The following SCAPER variants were observed in gnomAD, a reference collection of about 807,000 sequenced individuals.
The protein encoded by SCAPER is S-phase cyclin A associated protein in the ER.
SCAPER carries 98 observed loss-of-function variants against 182.2 expected under a neutral mutation model. The ratio of observed to expected loss-of-function variants is 0.54; its 90% CI spans 0.46 to 0.64. The LOEUF (loss-of-function observed/expected upper bound fraction) is 0.64, where lower values mean the gene tolerates loss of function less well. SCAPER is among the 30% of genes least tolerant of loss of function. The pLI is 0.00. For missense variants in SCAPER, 1,432 were observed against 1,690.0 expected (o/e 0.85, Z 2.68); for synonymous variants, 605 against 564.6 (o/e 1.07, Z -1.01).
At chr15:76,501,042 A>T (rs754091320) in intron 24 of SCAPER, among the ~76,000 whole-genome samples, 20 of 89,988 alleles carry the variant, frequency 2.2e-4, no homozygotes, top group Non-Finnish European at 3.7e-4. Flanking sequence ...AACCCTGTCT[A>T]AAAAAAAAAA....
intron 1 of SCAPER, among the ~76,000 whole-genome samples, chr15:76,889,090 G>C (rs569077418): frequency 7.9e-5 from 12 of 152,142 alleles, no homozygotes; most frequent in Non-Finnish European, 1.6e-4. Flanking sequence ...CTTCAGAAGT[G>C]AAGGAGAAAT....
intron 21 of SCAPER, among the ~76,000 whole-genome samples, chr15:76,643,724 C>A (rs1421637341): frequency 6.6e-6 from 1 of 152,132 alleles, no homozygotes; most frequent in Non-Finnish European, 1.5e-5. Context: ...TTAACCTAAG[C>A]TATCCTCATT....
intron 29 of SCAPER, among the ~76,000 whole-genome samples, chr15:76,370,973 C>T (rs1018896745): frequency 5.9e-5 from 9 of 152,178 alleles, no homozygotes; most frequent in African/African-American, 9.6e-5. Flanking sequence ...CACCCCCCAC[C>T]GCTAGCCAAG....
intron 10 of SCAPER, among the ~76,000 whole-genome samples, chr15:76,768,169 G>A (rs761822884): frequency 2.0e-5 from 3 of 152,048 alleles, no homozygotes; most frequent in Non-Finnish European, 2.9e-5. Flanking sequence ...TAAACATAGA[G>A]TTCATATAAC....
intron 29 of SCAPER, among the ~76,000 whole-genome samples, chr15:76,371,597 C>T (rs1596329042): frequency 2.6e-5 from 4 of 151,018 alleles, no homozygotes; most frequent in South Asian, 2.1e-4. Flanking sequence ...GGATTACAGG[C>T]GTGAGCCACC....
chr15:76,718,247 A>T (rs779734518), intron 17 of SCAPER, among the ~76,000 whole-genome samples: 35 of 152,218 alleles, frequency 2.3e-4, no homozygotes, highest in Non-Finnish European at 8.8e-5. Context: ...AACGCAACAC[A>T]GCAAAATCTA....
chr15:76,841,743 G>A lies in SCAPER; in HGVS notation c.384C>T (p.Val128=), dbSNP rs564783553. ...TCAAAGCAAACCTTACCTTACATTC[G>A]ACCACACTCTGATCTGATTCGCAAG... The part of the protein sequence containing the change: ...YVTCESDQSV[V]ECKEVLMMLD... Residue 128 remains valine (V), a synonymous_variant, in exon 5 of 32, where the codon GTC becomes GTT. Coordinates refer to ENST00000563290, the MANE Select transcript of SCAPER (RefSeq NM_020843.4). 161 of 1,613,514 alleles carry A rather than the reference G, an allele frequency of 1.0e-4. No homozygotes were observed. Among genetic ancestry groups the A allele is most frequent in the Non-Finnish European group, 1.3e-4 (153 of 1,179,790 alleles).
chr15:76,564,270 T>C (rs929348097), intron 23 of SCAPER, among the ~76,000 whole-genome samples: 1 of 152,142 alleles, frequency 6.6e-6, no homozygotes, highest in African/African-American at 2.4e-5. Flanking sequence ...GAAAACCCCA[T>C]TGTCTCAGTC....
intron 22 of SCAPER, among the ~76,000 whole-genome samples, chr15:76,607,447 A>C (rs2050535278): frequency 6.6e-6 from 1 of 152,128 alleles, no homozygotes; most frequent in Admixed American, 6.5e-5. Context: ...GCTGCTCTTA[A>C]CATTTTTTCC....
At chr15:76,411,637 A>G (rs984052409) in intron 26 of SCAPER, among the ~76,000 whole-genome samples, 1 of 152,152 alleles carries the variant, frequency 6.6e-6, no homozygotes, top group African/African-American at 2.4e-5. Flanking sequence ...TATTGGGTAA[A>G]TACCTAAGAG....
At chr15:76,435,857 G>C (rs1220167534) in intron 25 of SCAPER, among the ~76,000 whole-genome samples, 1 of 152,130 alleles carries the variant, frequency 6.6e-6, no homozygotes, top group Admixed American at 6.6e-5. Context: ...TAATACTTCA[G>C]TGCACGCCCT....
intron 22 of SCAPER, among the ~76,000 whole-genome samples, chr15:76,589,160 A>T (rs1204059021): frequency 1.3e-5 from 2 of 152,144 alleles, no homozygotes; most frequent in African/African-American, 4.8e-5. Context: ...CCTTAGTTGC[A>T]GTCGTTTAAT....
chr15:76,584,636 C>T (rs942228607), intron 22 of SCAPER, among the ~76,000 whole-genome samples: 1 of 152,132 alleles, frequency 6.6e-6, no homozygotes, highest in Non-Finnish European at 1.5e-5. Context: ...GTAAAATGTA[C>T]TATGGAACTT....
At chr15:76,589,716 G>C (rs138546835) in intron 22 of SCAPER, among the ~76,000 whole-genome samples, 51 of 152,258 alleles carry the variant, frequency 3.3e-4, no homozygotes, top group African/African-American at 1.1e-3. Context: ...TTCGCGTTTG[G>C]TTGGAATTGT....
At chr15:76,479,260 T>C (rs1180758320) in intron 24 of SCAPER, among the ~76,000 whole-genome samples, 1 of 152,154 alleles carries the variant, frequency 6.6e-6, no homozygotes, top group Non-Finnish European at 1.5e-5. Flanking sequence ...ATTTGAGGAG[T>C]ACCTGTCTTA....
At chr15:76,538,039 T>C (rs2044346070) in intron 23 of SCAPER, among the ~76,000 whole-genome samples, 1 of 151,784 alleles carries the variant, frequency 6.6e-6, no homozygotes, top group Non-Finnish European at 1.5e-5. Flanking sequence ...CCAGTTTGAA[T>C]GGTGATCATT....
intron 4 of SCAPER, among the ~76,000 whole-genome samples, chr15:76,849,918 C>G (rs574556036): frequency 1.3e-5 from 2 of 152,258 alleles, no homozygotes; most frequent in African/African-American, 4.8e-5. Flanking sequence ...AGTGGCAGGA[C>G]AGAGTGAGTG....
At chr15:76,580,332 A>G (rs1193656655) in intron 22 of SCAPER, among the ~76,000 whole-genome samples, 1 of 152,240 alleles carries the variant, frequency 6.6e-6, no homozygotes, top group Non-Finnish European at 1.5e-5. Flanking sequence ...CTTCTCTGAC[A>G]AAACTAGAAT....
intron 28 of SCAPER, chr15:76,380,767 T>C (rs1277347845): frequency 6.6e-6 from 1 of 152,164 alleles, no homozygotes; most frequent in Non-Finnish European, 1.5e-5. Flanking sequence ...GACAGTCTGG[T>C]GTTATAGCAT....
Sources: allele counts gnomAD v4.1 joint callset (sites outside exome capture counted in the v4.1 genomes callset), GRCh38; gene constraint gnomAD v4.1.1; transcripts MANE v1.5; gene names NCBI Gene and HGNC (gene_info 2026-07-23, HGNC 2026-07-21).